Variants in MASP1 observed in about 807,000 individuals in gnomAD.
The protein encoded by MASP1 is MBL associated serine protease 1.
Under a neutral mutation model 77.1 loss-of-function variants are expected in MASP1, and 59 were observed. The observed-to-expected ratio is 0.77, with a 90% CI of 0.62 to 0.95. MASP1 has a LOEUF of 0.95. MASP1 is among the 40% of genes least tolerant of loss of function. The pLI, the probability that MASP1 is intolerant of heterozygous loss-of-function variation, is 0.00. For synonymous variants in MASP1, 362 were observed against 354.5 expected, an observed-to-expected ratio of 1.02 and a Z score of -0.24; for missense variants, 885 against 912.9, an observed-to-expected ratio of 0.97 and a Z score of 0.39.
intron 1 of MASP1, among the ~76,000 whole-genome samples, chr3:187,288,371 G>T (rs1321182472): frequency 2.6e-5 from 4 of 152,208 alleles, no homozygotes. Context: ...AACAGGGCTG[G>T]GAGTTCAGGT....
At chr3:187,225,841 A>G (rs980001720) in intron 12 of MASP1, among the ~76,000 whole-genome samples, 5 of 152,204 alleles carry the variant, frequency 3.3e-5, no homozygotes, top group South Asian at 2.1e-4. Flanking sequence ...CTCTTGGGTT[A>G]GAAGTCTTTC....
At chr3:187,271,662 C>T (rs1284926282) in intron 2 of MASP1, among the ~76,000 whole-genome samples, 2 of 152,132 alleles carry the variant, frequency 1.3e-5, no homozygotes, top group African/African-American at 4.8e-5. Context: ...TTTTTCTTCT[C>T]TTTTTACATT....
rs953872512 is a variant in MASP1 at position 187,260,771 on chromosome 3, T to G, written c.517A>C (p.Ile173Leu). Residue 173 changes from isoleucine to leucine, a missense_variant, in exon 4 of 11, where the codon ATC (isoleucine) becomes CTC (leucine). Coordinates refer to ENST00000296280, the MANE Select transcript of MASP1 (RefSeq NM_139125.4). Reference sequence around the variant, plus strand: ...CAGGTCCTGTTGTCTGTGTGGAGGATGTAGCCGAAGCGGCAGGAGCAGTAG... The same window carrying G: ...CAGGTCCTGTTGTCTGTGTGGAGGAGGTAGCCGAAGCGGCAGGAGCAGTAG... ...GYYCSCRFGYILHTDNRTCRV... is the reference protein window; with the variant it reads ...GYYCSCRFGYLLHTDNRTCRV... 1 of 1,614,182 alleles carries G rather than the reference T, an allele frequency of 6.2e-7. No homozygotes were observed. The highest frequency in any genetic ancestry group is 1.7e-5 in the Admixed American group (1 of 60,022).
exon 16 of MASP1, chr3:187,219,924 G>T (rs550085794): frequency 3.8e-6 from 3 of 780,824 alleles, no homozygotes; most frequent in South Asian, 3.1e-5. Flanking sequence ...AAAAGGGGGT[G>T]AAGATACCTG....
At chr3:187,272,081 T>C (rs3774284) in intron 2 of MASP1, among the ~76,000 whole-genome samples, 4 of 148,446 alleles carry the variant, frequency 2.7e-5, no homozygotes, top group Non-Finnish European at 5.9e-5. Context: ...GTCCAAGGAG[T>C]GAGTAGGTGG....
intron 12 of MASP1, chr3:187,225,562 A>G: frequency 2.5e-6 from 4 of 1,590,524 alleles, no homozygotes; most frequent in Non-Finnish European, 3.4e-6. Flanking sequence ...ATAAGGTCAC[A>G]CCTTGTTCCC....
chr3:187,230,005 T>C, downstream of MASP1: 1 of 1,307,146 alleles, frequency 7.7e-7, no homozygotes, highest in Non-Finnish European at 1.1e-6. Context: ...TTATTTTTGC[T>C]CCTCCACCAT....
chr3:187,250,277 C>T lies in MASP1; in HGVS notation c.1064G>A (p.Trp355Ter). ...FQIECLKDGT[W>*]SNKIPTCKIV... Reference sequence around the variant, plus strand: ...TTTACAGGTGGGAATCTTGTTACTCCACGTCCCATCCTTCAGACACTCAAT... The same window carrying T: ...TTTACAGGTGGGAATCTTGTTACTCTACGTCCCATCCTTCAGACACTCAAT... Residue 355 changes from tryptophan to a stop codon, truncating the protein, a stop_gained, in exon 8 of 11, where the codon TGG becomes TAG. Transcript: ENST00000296280. LOFTEE classifies it high-confidence loss of function. The T allele has an allele frequency of 6.2e-7, 1 of 1,613,996 alleles. No individual in the cohort carries two copies. Among genetic ancestry groups the T allele is most frequent in the Non-Finnish European group, 8.5e-7 (1 of 1,179,880 alleles).
At position 187,262,658 on chromosome 3, in the gene MASP1, C is replaced by G. The variant is rs1429003809; in HGVS notation, c.300G>C (p.Gln100His). 1.2e-6 allele frequency: 2 copies of G among 1,614,048 alleles called. No homozygotes were observed. The highest frequency in any genetic ancestry group is 4.5e-5 in the East Asian group (2 of 44,892). The part of the protein sequence containing the change: ...FCGRETTDTE[Q>H]TPGQEVVLSP... Reference sequence around the variant, plus strand: ...AGAGGACCACCTCCTGGCCGGGAGTCTGCTCTGTGTCTGTGGTCTCCCTGC... The same window carrying G: ...AGAGGACCACCTCCTGGCCGGGAGTGTGCTCTGTGTCTGTGGTCTCCCTGC... The change falls in exon 3 of 11, where the codon CAG becomes CAC. Residue 100 changes from glutamine (Q) to histidine (H), a missense_variant. By Grantham distance (24) the Gln-to-His change is conservative. Coordinates refer to ENST00000296280, the MANE Select transcript of MASP1 (RefSeq NM_139125.4).
At chr3:187,282,803 T>A (rs1717542320) in intron 2 of MASP1, among the ~76,000 whole-genome samples, 1 of 152,072 alleles carries the variant, frequency 6.6e-6, no homozygotes, top group South Asian at 2.1e-4. Context: ...TGGAAGAGAG[T>A]CAGCTGTGCA....
chr3:187,219,427 T>C (rs1711907451), exon 16 of MASP1: 5 of 154,684 alleles, frequency 3.2e-5, no homozygotes, highest in Admixed American at 3.2e-4. Context: ...TAGTGCATGT[T>C]CCTAGTTACA....
intron 7 of MASP1, among the ~76,000 whole-genome samples, chr3:187,251,205 C>T (rs2108539999): frequency 6.6e-6 from 1 of 152,284 alleles, no homozygotes; most frequent in Admixed American, 6.5e-5. Flanking sequence ...GGTGATCCAC[C>T]CGCCTGGGCC....
At chr3:187,223,067 C>G in intron 14 of MASP1, 1 of 1,421,680 alleles carries the variant, frequency 7.0e-7, no homozygotes, top group South Asian at 1.1e-5. Flanking sequence ...CAATACGGAG[C>G]AGGAAGGCCC....
At chr3:187,246,729 C>T in intron 8 of MASP1, 1 of 983,534 alleles carries the variant, frequency 1.0e-6, no homozygotes, top group Non-Finnish European at 1.2e-6. Flanking sequence ...CTTGTAAGCC[C>T]CAGAAGACAG....
At chr3:187,288,510 T>C (rs6772124) in intron 1 of MASP1, among the ~76,000 whole-genome samples, 6,207 of 152,240 alleles carry the variant, frequency 0.041, 414 homozygotes, top group African/African-American at 0.14. Context: ...ATCCATTAAG[T>C]AGTAATAATA....
intron 9 of MASP1, chr3:187,242,083 G>T (rs556613776): frequency 2.0e-4 from 34 of 167,316 alleles, no homozygotes; most frequent in Admixed American, 1.7e-3. Flanking sequence ...GGCTCACATG[G>T]CTCCCTGTTG....
At position 187,235,550 on chromosome 3, in the gene MASP1, T is replaced by A; in HGVS notation, c.*134A>T. ...CTCTGCCTCTCAGGGTCCTGGGGGCTGTCTCGGTAGGAGAAGCCACCGCTA... is the reference window on the plus strand; with the variant it reads ...CTCTGCCTCTCAGGGTCCTGGGGGCAGTCTCGGTAGGAGAAGCCACCGCTA... On this transcript the variant is annotated 3_prime_UTR_variant, in exon 11 of 11. Coordinates refer to ENST00000296280, the MANE Select transcript of MASP1 (RefSeq NM_139125.4). The A allele has an allele frequency of 6.5e-7, 1 of 1,545,866 alleles. No homozygotes were observed. The highest frequency in any genetic ancestry group is 8.7e-7 in the Non-Finnish European group (1 of 1,153,886).
chr3:187,225,823 C>T lies in MASP1; in HGVS notation c.1556-314G>A, dbSNP rs547148959. On this transcript the variant is annotated intron_variant, in intron 12 of 15. Coordinates refer to the MASP1 transcript ENST00000337774. ...TCAAACATGACCTCCTCCAGGTAGC[C>T]TCTCAGACTCTTGGGTTAGAAGTCT... Among the ~76,000 whole-genome samples, 4 of 152,340 alleles carry T rather than the reference C, an allele frequency of 2.6e-5. No homozygotes were observed. In the East Asian group the frequency reaches 7.7e-4, roughly 29 times the overall value.
intron 1 of MASP1, chr3:187,291,392 G>T (rs75953973): frequency 5.0e-6 from 3 of 603,116 alleles, no homozygotes; most frequent in African/African-American, 3.7e-5. Flanking sequence ...AGCAGCGTCC[G>T]GAGCAGGATT....
Sources: gnomAD v4.1 joint callset for allele counts (sites outside exome capture counted in the v4.1 genomes callset) on GRCh38, gnomAD v4.1.1 for gene constraint, MANE v1.5 for transcripts, NCBI Gene and HGNC (gene_info 2026-07-23, HGNC 2026-07-21) for gene names.